The following SDK1 variants were observed in gnomAD, a reference collection of about 807,000 sequenced individuals.
SDK1 encodes protein sidekick-1.
In SDK1, 157 loss-of-function variants were observed where a neutral mutation model predicts 245.5. That is an observed-to-expected ratio of 0.64 (90% CI 0.56 to 0.73). SDK1 has a LOEUF of 0.73. Among genes scored for constraint, SDK1 ranks in the 30% least tolerant of loss-of-function variants. SDK1 has a pLI of 0.00. For missense variants in SDK1, 3,583 were observed against 3,002.3 expected, an observed-to-expected ratio of 1.19 and a Z score of -4.52; for synonymous variants, 1,647 against 1,278.5, an observed-to-expected ratio of 1.29 and a Z score of -6.15.
intron 4 of SDK1, among the ~76,000 whole-genome samples, chr7:3,776,038 C>T (rs913153414): frequency 2.6e-5 from 4 of 152,198 alleles, no homozygotes; most frequent in Non-Finnish European, 5.9e-5. Flanking sequence ...CCTGCATTGT[C>T]CACAGGATTC....
At chr7:4,213,206 G>A (rs894359624) in intron 38 of SDK1, among the ~76,000 whole-genome samples, 2 of 152,144 alleles carry the variant, frequency 1.3e-5, no homozygotes, top group Non-Finnish European at 2.9e-5. Context: ...GAGGTCAGGA[G>A]TTCAAGACCA....
At chr7:3,966,153 G>A (rs1042749926) in intron 9 of SDK1, among the ~76,000 whole-genome samples, 5 of 152,068 alleles carry the variant, frequency 3.3e-5, no homozygotes, top group African/African-American at 1.2e-4. Context: ...GGGGGCCTGC[G>A]GCATCTGGCA....
At chr7:4,115,624 C>A (rs539533955) in intron 25 of SDK1, among the ~76,000 whole-genome samples, 67 of 152,252 alleles carry the variant, frequency 4.4e-4, no homozygotes, top group Non-Finnish European at 6.9e-4. Flanking sequence ...CTTGGGGCTC[C>A]CAGGGCACAG....
rs187796779 is a variant in SDK1, at chr7:4,113,528, T to A, written c.3585+89T>A. On this transcript the variant is annotated intron_variant, in intron 24 of 44. Transcript: ENST00000404826. ...AATCCAGGGCTTAGGAGTTTCTTAG[T>A]CACGCCTTTGTCCTAGTCAAAACTA... 621 of 1,452,798 alleles carry A rather than the reference T, an allele frequency of 4.3e-4. 4 individuals are homozygous for A. The African/African-American group carries it at 8.2e-3, about 19-fold the overall frequency. 90.0% of individuals were successfully genotyped at this position (1,452,798 alleles called of 1,614,324 possible). A position where few individuals can be genotyped will look rare whatever the true frequency, so the allele number is the denominator to read the frequency against.
intron 4 of SDK1, among the ~76,000 whole-genome samples, chr7:3,673,279 C>T (rs58617422): frequency 0.36 from 55,068 of 151,932 alleles, 10,906 homozygotes; most frequent in African/African-American, 0.52. Context: ...CCCATGGGGG[C>T]GGTTCATGAT....
rs962925506 is a variant in SDK1, at chr7:3,660,759, G to A, written c.713+18654G>A. 4.6e-5 allele frequency among the ~76,000 whole-genome samples: 7 copies of A among 152,190 alleles called. No individual in the cohort carries two copies. The South Asian group carries it at 1.5e-3, about 32-fold the overall frequency. On this transcript the variant is annotated intron_variant, in intron 4 of 44. Transcript: ENST00000404826. Reference sequence around the variant, plus strand: ...GTGCTTGGTCTTTGTCATCGCTGACGGAACTGCACTGTTTTACCTTGGAAG... The same window carrying A: ...GTGCTTGGTCTTTGTCATCGCTGACAGAACTGCACTGTTTTACCTTGGAAG...
At chr7:3,597,232 A>G (rs1329847131) in intron 1 of SDK1, among the ~76,000 whole-genome samples, 1 of 147,400 alleles carries the variant, frequency 6.8e-6, no homozygotes, top group Non-Finnish European at 1.5e-5. Context: ...AGATCGCGCC[A>G]CTGCACTCCA....
intron 44 of SDK1, among the ~76,000 whole-genome samples, chr7:4,247,311 C>A (rs1210411941): frequency 6.6e-6 from 1 of 152,114 alleles, no homozygotes; most frequent in Non-Finnish European, 1.5e-5. Context: ...CTTTGCTTTG[C>A]GTGTTCTGTT....
Position 4,079,680 on chromosome 7 carries a change from C to T in SDK1, c.3324+96C>T, listed in dbSNP as rs1262864655. On this transcript the variant is annotated intron_variant, in intron 22 of 44. Transcript: ENST00000404826. ...CCCTGCAGATGATGGCTTGGGGTGTCGGGGAGATGGGTGTGCTTGGAGAGG... is the reference window on the plus strand; with the variant it reads ...CCCTGCAGATGATGGCTTGGGGTGTTGGGGAGATGGGTGTGCTTGGAGAGG... 9 of 1,526,998 alleles carry T rather than the reference C, an allele frequency of 5.9e-6. 1 individual carries two copies. Among genetic ancestry groups the T allele is most frequent in the South Asian group, 5.0e-5 (4 of 80,572 alleles). The allele number at this position is 1,526,998 out of a possible 1,614,324, so 94.6% of individuals were successfully genotyped here. A position where few individuals can be genotyped will look rare whatever the true frequency, so the allele number is the denominator to read the frequency against.
intron 19 of SDK1, among the ~76,000 whole-genome samples, chr7:4,063,650 C>G (rs1021911955): frequency 6.7e-6 from 1 of 150,122 alleles, no homozygotes; most frequent in African/African-American, 2.4e-5. Context: ...AAAAAGAGCC[C>G]AAATAGCCAA....
intron 4 of SDK1, among the ~76,000 whole-genome samples, chr7:3,679,315 C>T (rs548130931): frequency 1.3e-4 from 19 of 151,338 alleles, no homozygotes; most frequent in East Asian, 1.2e-3. Context: ...GCCTGTAATC[C>T]CAGCACTTTG....
intron 4 of SDK1, among the ~76,000 whole-genome samples, chr7:3,782,725 A>G (rs1179161128): frequency 6.6e-6 from 1 of 152,222 alleles, no homozygotes; most frequent in African/African-American, 2.4e-5. Context: ...ACGCAAGGGT[A>G]TCATACTGCA....
At chr7:3,553,349 C>G (rs771272336) in intron 1 of SDK1, among the ~76,000 whole-genome samples, 3 of 152,132 alleles carry the variant, frequency 2.0e-5, no homozygotes, top group Non-Finnish European at 2.9e-5. Flanking sequence ...CAAAATGGCA[C>G]AGACCTGTTT....
intron 30 of SDK1, among the ~76,000 whole-genome samples, chr7:4,156,286 G>C (rs548240630): frequency 6.6e-6 from 1 of 152,184 alleles, no homozygotes; most frequent in African/African-American, 2.4e-5. Context: ...TTATCACCCA[G>C]ATGAGGCAAA....
chr7:3,582,028 G>C (rs1174395336), intron 1 of SDK1, among the ~76,000 whole-genome samples: 1 of 151,750 alleles, frequency 6.6e-6, no homozygotes. Context: ...GTCTCAGGTA[G>C]ATCTGTCTCA....
intron 22 of SDK1, among the ~76,000 whole-genome samples, chr7:4,084,996 T>A (rs1037738153): frequency 6.6e-6 from 1 of 152,170 alleles, no homozygotes; most frequent in Admixed American, 6.5e-5. Flanking sequence ...ACACCTTACC[T>A]CAAGTGATCC....
At chr7:3,461,147 C>G (rs1039206940) in intron 1 of SDK1, among the ~76,000 whole-genome samples, 3 of 152,024 alleles carry the variant, frequency 2.0e-5, no homozygotes, top group Admixed American at 6.6e-5. Flanking sequence ...ATCTAGCAAT[C>G]CCTTGTTGAG....
chr7:3,320,902 A>G (rs534353061), intron 1 of SDK1, among the ~76,000 whole-genome samples: 3 of 152,316 alleles, frequency 2.0e-5, no homozygotes, highest in African/African-American at 2.4e-5. Context: ...TGGGTTAAAA[A>G]AAAAATCCAG....
chr7:3,745,112 C>G (rs975618512), intron 4 of SDK1, among the ~76,000 whole-genome samples: 1 of 152,164 alleles, frequency 6.6e-6, no homozygotes, highest in Non-Finnish European at 1.5e-5. Context: ...TGAATTTAAT[C>G]TTTGGAATGT....
Sources: allele counts gnomAD v4.1 joint callset (sites outside exome capture counted in the v4.1 genomes callset), GRCh38; gene constraint gnomAD v4.1.1; transcripts MANE v1.5; gene names NCBI Gene and HGNC (gene_info 2026-07-23, HGNC 2026-07-21).